Variants in RSRC1 observed in about 807,000 individuals in gnomAD.
RSRC1 encodes the protein serine/Arginine-related protein 53.
In RSRC1, 39 loss-of-function variants were observed where a neutral mutation model predicts 49.1. The observed-to-expected ratio is 0.79, with a 90% confidence interval of 0.61 to 1.04. The LOEUF (loss-of-function observed/expected upper bound fraction) is 1.04, where lower values mean the gene tolerates loss of function less well. Ranked by LOEUF, RSRC1 falls within the 50% of genes least tolerant of loss-of-function variation. RSRC1 has a pLI of 0.00. For synonymous variants in RSRC1, 143 were observed against 130.8 expected (o/e 1.09, Z -0.63); for missense variants, 388 against 402.4 (o/e 0.96, Z 0.31).
chr3:158,213,649 T>G (rs1721807757), intron 4 of RSRC1, among the ~76,000 whole-genome samples: 1 of 151,928 alleles, frequency 6.6e-6, no homozygotes, highest in Non-Finnish European at 1.5e-5. Flanking sequence ...CTTTGGCCCC[T>G]GTGGATATGC....
chr3:158,473,323 C>T (rs1738221892), intron 7 of RSRC1, among the ~76,000 whole-genome samples: 1 of 152,150 alleles, frequency 6.6e-6, no homozygotes, highest in Non-Finnish European at 1.5e-5. Context: ...CCATGGAATA[C>T]TATGCAGCCA....
rs1278303221 is a variant in RSRC1 at position 158,139,549 on chromosome 3, TTG to T, written c.320+15566_320+15567del. ...GATGGTGGTGAACTTCAGTAACTTC[TTG>T]TGTGTGTTTAATACTTAGAATAAAC... On this transcript the variant is annotated intron_variant, in intron 3 of 9. Coordinates refer to ENST00000611884, the MANE Select transcript of RSRC1 (RefSeq NM_001271838.2). 2.0e-5 allele frequency among the ~76,000 whole-genome samples: 3 copies of T among 152,326 alleles called. No individual in the cohort carries two copies. The East Asian group carries it at 5.8e-4, about 29-fold the overall frequency.
rs1736330772 is a variant in RSRC1, at chr3:158,440,610, A to G, written c.584-20325A>G. 2.0e-5 allele frequency among the ~76,000 whole-genome samples: 3 copies of G among 152,142 alleles called. No individual in the cohort carries two copies. The South Asian group carries it at 6.2e-4, about 31-fold the overall frequency. On this transcript the variant is annotated intron_variant, in intron 6 of 9. Coordinates refer to ENST00000611884, the MANE Select transcript of RSRC1 (RefSeq NM_001271838.2). ...CCCACACATGCACGTGTGCACACAC[A>G]CACAAATCCACACCAGATTCTATAG... is the stretch of plus-strand genomic sequence containing the variant.
intron 5 of RSRC1, among the ~76,000 whole-genome samples, chr3:158,337,824 CCA>C (rs1245590098): frequency 6.6e-5 from 10 of 152,164 alleles, no homozygotes; most frequent in Non-Finnish European, 2.9e-5. Flanking sequence ...CCCTCATGAA[CCA>C]CTTCTCTCCA....
At chr3:158,450,562 G>A (rs1368778663) in intron 6 of RSRC1, among the ~76,000 whole-genome samples, 5 of 151,746 alleles carry the variant, frequency 3.3e-5, no homozygotes, top group African/African-American at 7.2e-5. Context: ...AGAACTTAAC[G>A]GATTTCACTT....
intron 3 of RSRC1, among the ~76,000 whole-genome samples, chr3:158,189,432 G>C (rs1326624401): frequency 1.3e-5 from 2 of 151,638 alleles, no homozygotes; most frequent in Non-Finnish European, 2.9e-5. Flanking sequence ...ATATTTTGAG[G>C]CTCTTTTATT....
At chr3:158,445,010 G>A (rs1240626564) in intron 6 of RSRC1, among the ~76,000 whole-genome samples, 2 of 152,138 alleles carry the variant, frequency 1.3e-5, no homozygotes, top group African/African-American at 4.8e-5. Flanking sequence ...AACAACAGGT[G>A]CTGGAGAGGA....
chr3:158,134,043 A>G (rs1419972186), intron 3 of RSRC1, among the ~76,000 whole-genome samples: 1 of 152,210 alleles, frequency 6.6e-6, no homozygotes, highest in Non-Finnish European at 1.5e-5. Flanking sequence ...CATGCATGAT[A>G]TTGAATATGA....
At chr3:158,117,652 A>C (rs1578098974) in intron 1 of RSRC1, among the ~76,000 whole-genome samples, 1 of 151,892 alleles carries the variant, frequency 6.6e-6, no homozygotes, top group East Asian at 1.9e-4. Flanking sequence ...TAAAGACAGG[A>C]TCTCACCCTA....
intron 4 of RSRC1, among the ~76,000 whole-genome samples, chr3:158,288,821 G>C (rs1726735583): frequency 1.0e-5 from 1 of 99,902 alleles, no homozygotes; most frequent in South Asian, 4.7e-4. Flanking sequence ...GTTCAATACA[G>C]ATGCACGTTC....
intron 3 of RSRC1, among the ~76,000 whole-genome samples, chr3:158,162,532 G>A (rs763829772): frequency 1.7e-4 from 26 of 152,152 alleles, no homozygotes; most frequent in Non-Finnish European, 2.9e-4. Context: ...TGGGAGGGGT[G>A]TTAACTCTGT....
intron 7 of RSRC1, among the ~76,000 whole-genome samples, chr3:158,513,150 G>A (rs1450556589): frequency 2.0e-5 from 3 of 149,698 alleles, no homozygotes; most frequent in Admixed American, 6.7e-5. Flanking sequence ...TTCCAACACT[G>A]TGTTGAATAG....
intron 8 of RSRC1, among the ~76,000 whole-genome samples, chr3:158,540,415 C>A (rs531241659): frequency 2.7e-4 from 41 of 152,274 alleles, no homozygotes; most frequent in African/African-American, 8.7e-4. Flanking sequence ...TTATAGATTT[C>A]TCTTACTTTG....
chr3:158,283,979 G>A (rs1726341202), intron 4 of RSRC1, among the ~76,000 whole-genome samples: 1 of 151,280 alleles, frequency 6.6e-6, no homozygotes, highest in Non-Finnish European at 1.5e-5. Flanking sequence ...CCATGCTGGT[G>A]TGCTGCACCC....
intron 3 of RSRC1, among the ~76,000 whole-genome samples, chr3:158,181,753 A>G (rs1719634468): frequency 6.6e-6 from 1 of 152,204 alleles, no homozygotes; most frequent in Admixed American, 6.5e-5. Flanking sequence ...AACAAATCAG[A>G]TAAATATTTA....
chr3:158,131,823 G>T (rs1382887835), intron 3 of RSRC1, among the ~76,000 whole-genome samples: 2 of 152,092 alleles, frequency 1.3e-5, no homozygotes, highest in Non-Finnish European at 2.9e-5. Context: ...GAAAATTTTT[G>T]TTAATAATGT....
chr3:158,460,996 G>C lies in RSRC1; in HGVS notation c.645G>C (p.Lys215Asn). ...ERNEEEAKRR[K>N]EEDQATLVEQ... ...ATGAGGAAGAAGCAAAGAGAAGAAA[G>C]GAGGAAGGTAAAGGCATGTGTTCAT... Residue 215 changes from lysine (K) to asparagine (N), a missense_variant, in exon 7 of 10, where the codon AAG (lysine) becomes AAC (asparagine). Coordinates refer to ENST00000611884, the MANE Select transcript of RSRC1 (RefSeq NM_001271838.2). 6.3e-7 allele frequency: 1 copy of C among 1,599,636 alleles called. No individual in the cohort carries two copies. Among genetic ancestry groups the C allele is most frequent in the Non-Finnish European group, 8.5e-7 (1 of 1,170,834 alleles).
At chr3:158,120,287 C>G (rs1715159428) in intron 1 of RSRC1, among the ~76,000 whole-genome samples, 1 of 152,006 alleles carries the variant, frequency 6.6e-6, no homozygotes, top group South Asian at 2.1e-4. Flanking sequence ...AAATCTTAGA[C>G]ATGTGAGCAA....
At position 158,203,074 on chromosome 3, in the gene RSRC1, C is replaced by A; in HGVS notation, c.323C>A (p.Ser108Tyr). 1 of 1,610,640 alleles carries A rather than the reference C, an allele frequency of 6.2e-7. No individual in the cohort carries two copies. The highest frequency in any genetic ancestry group is 1.1e-5 in the South Asian group (1 of 90,602). Residue 108 changes from serine to tyrosine, a missense_variant and splice_region_variant, in exon 4 of 10, where the codon TCC becomes TAC. Transcript: ENST00000611884. ...RSRSKSRTRR[S>Y]RSRPRLRSHS... ...TTAACAAAATCTGCTTACTGTAGGT[C>A]CAGGTCAAGACCTCGTCTCCGTTCT...
Sources: allele counts gnomAD v4.1 joint callset (sites outside exome capture counted in the v4.1 genomes callset), GRCh38; gene constraint gnomAD v4.1.1; transcripts MANE v1.5; gene names NCBI Gene and HGNC (gene_info 2026-07-23, HGNC 2026-07-21).